The following NRXN1 variants were observed in gnomAD, a reference collection of about 807,000 sequenced individuals.
NRXN1 encodes the protein neurexin-1.
NRXN1 carries 39 observed loss-of-function variants against 150.9 expected under a neutral mutation model. That is an observed-to-expected ratio of 0.26 (90% confidence interval 0.20 to 0.34). The LOEUF is 0.34. NRXN1 is among the 10% of genes least tolerant of loss of function. NRXN1 has a pLI of 1.00. For missense variants in NRXN1, 1,815 were observed against 1,949.9 expected, an observed-to-expected ratio of 0.93 and a Z score of 1.30; for synonymous variants, 924 against 757.0, an observed-to-expected ratio of 1.22 and a Z score of -3.62.
At chr2:50,013,621 T>A (rs1351961830) in intron 21 of NRXN1, among the ~76,000 whole-genome samples, 1 of 152,150 alleles carries the variant, frequency 6.6e-6, no homozygotes. Context: ...TTACAACATC[T>A]ATTACATATA....
intron 8 of NRXN1, among the ~76,000 whole-genome samples, chr2:50,566,703 T>G (rs895401688): frequency 2.0e-5 from 3 of 152,180 alleles, no homozygotes; most frequent in African/African-American, 7.2e-5. Flanking sequence ...TCAGAGAATT[T>G]AAGTATTTTG....
At chr2:50,118,446 G>C (rs1218799379) in intron 18 of NRXN1, among the ~76,000 whole-genome samples, 1 of 142,432 alleles carries the variant, frequency 7.0e-6, no homozygotes, top group Non-Finnish European at 1.5e-5. Flanking sequence ...GGTTTCATAA[G>C]TGTTTTCTTT....
intron 21 of NRXN1, among the ~76,000 whole-genome samples, chr2:49,953,474 A>G (rs77760460): frequency 1.8e-3 from 277 of 152,132 alleles, no homozygotes; most frequent in African/African-American, 6.4e-3. Flanking sequence ...TCTGGTGCAC[A>G]TTGGTTCTTT....
chr2:50,270,253 AC>A (rs2069413485), intron 17 of NRXN1, among the ~76,000 whole-genome samples: 1 of 152,164 alleles, frequency 6.6e-6, no homozygotes, highest in South Asian at 2.1e-4. Flanking sequence ...CTAAAATTCA[AC>A]CTACCATCAT....
chr2:50,463,169 T>C (rs2088425876), intron 17 of NRXN1, among the ~76,000 whole-genome samples: 1 of 151,830 alleles, frequency 6.6e-6, no homozygotes, highest in Non-Finnish European at 1.5e-5. Context: ...TTTGTGCATC[T>C]TAGAGAAAAA....
intron 8 of NRXN1, chr2:50,588,957 CTCAGACTATGCCCATA>C (rs1673641131): frequency 6.6e-6 from 1 of 152,158 alleles, no homozygotes; most frequent in Non-Finnish European, 1.5e-5. Flanking sequence ...GATTTCATAG[CTCAGACTATGCCCATA>C]TACCCGAATG....
chr2:50,651,695 C>T (rs1199644052), intron 5 of NRXN1, among the ~76,000 whole-genome samples: 2 of 151,974 alleles, frequency 1.3e-5, no homozygotes, highest in Non-Finnish European at 2.9e-5. Flanking sequence ...TGCCGACACA[C>T]ATGCTCTCTT....
chr2:49,984,191 A>G (rs1448210811), intron 21 of NRXN1, among the ~76,000 whole-genome samples: 1 of 152,130 alleles, frequency 6.6e-6, no homozygotes, highest in Admixed American at 6.6e-5. Flanking sequence ...AAAAAATCAG[A>G]AAAAGCAAAT....
chr2:50,140,047 A>C (rs2152758622), intron 18 of NRXN1, among the ~76,000 whole-genome samples: 1 of 152,272 alleles, frequency 6.6e-6, no homozygotes, highest in South Asian at 2.1e-4. Context: ...TTTTAAATGA[A>C]TTATAAGGAT....
intron 21 of NRXN1, among the ~76,000 whole-genome samples, chr2:49,983,289 G>A (rs897884093): frequency 1.3e-5 from 2 of 152,152 alleles, no homozygotes; most frequent in African/African-American, 2.4e-5. Flanking sequence ...TAGCACAGGG[G>A]CTGGTTATAT....
rs878922471 is a variant in NRXN1, at chr2:50,621,325, G to A, written c.1135-76C>T. 3 of 1,121,918 alleles carry A rather than the reference G, an allele frequency of 2.7e-6. No individual in the cohort carries two copies. In the South Asian group the frequency reaches 4.1e-5, roughly 15 times the overall value. The allele number at this position is 1,121,918 out of a possible 1,614,324, so 69.5% of individuals were successfully genotyped here. On this transcript the variant is annotated intron_variant, in intron 6 of 22. Coordinates refer to ENST00000401669, the MANE Select transcript of NRXN1 (RefSeq NM_001330078.2). ...CGATCGTTACTTAAAAAATATGATG[G>A]TCTCTACCATGTTAGTACATTTTTT...
intron 18 of NRXN1, among the ~76,000 whole-genome samples, chr2:50,172,795 C>T (rs202168860): frequency 3.3e-5 from 5 of 151,956 alleles, no homozygotes; most frequent in African/African-American, 1.2e-4. Context: ...AGTGAAACCC[C>T]GTCTCTACTA....
intron 18 of NRXN1, among the ~76,000 whole-genome samples, chr2:50,118,084 G>C (rs1370902028): frequency 1.3e-5 from 2 of 152,140 alleles, no homozygotes; most frequent in East Asian, 1.9e-4. Flanking sequence ...GAAGGTAAAG[G>C]TGTTTAGGAG....
In NRXN1 at chr2:50,579,263, T is replaced by C. The variant is rs148951667; in HGVS notation, c.1321-26238A>G. Among the ~76,000 whole-genome samples, 819 of 152,308 alleles carry C rather than the reference T, an allele frequency of 5.4e-3. 6 individuals are homozygous for C. The highest frequency in any genetic ancestry group is 0.018 in the African/African-American group (767 of 41,566). ...TTCTGATACTAAGTCTAGGATGGGATTGATTACATTTTGTACTTTTATTCT... is the reference window on the plus strand; with the variant it reads ...TTCTGATACTAAGTCTAGGATGGGACTGATTACATTTTGTACTTTTATTCT... On this transcript the variant is annotated intron_variant, in intron 8 of 22. Coordinates refer to ENST00000401669, the MANE Select transcript of NRXN1 (RefSeq NM_001330078.2).
chr2:50,481,022 G>T (rs1249484161), intron 15 of NRXN1, among the ~76,000 whole-genome samples: 2 of 152,326 alleles, frequency 1.3e-5, no homozygotes, highest in South Asian at 4.1e-4. Flanking sequence ...GTTTTTGCCT[G>T]TTGAGCTACA....
At chr2:49,978,182 A>G (rs1273420408) in intron 21 of NRXN1, among the ~76,000 whole-genome samples, 1 of 152,154 alleles carries the variant, frequency 6.6e-6, no homozygotes, top group Non-Finnish European at 1.5e-5. Flanking sequence ...AAAATGTAGT[A>G]ATTACAGGGA....
intron 8 of NRXN1, among the ~76,000 whole-genome samples, chr2:50,555,829 A>T (rs1668158143): frequency 6.6e-6 from 1 of 152,226 alleles, no homozygotes; most frequent in Non-Finnish European, 1.5e-5. Flanking sequence ...TATCCAGTTC[A>T]TAATTGACAA....
At position 50,829,193 on chromosome 2, in the gene NRXN1, C is replaced by T. The variant is rs531553734; in HGVS notation, c.832+92676G>A. Among the ~76,000 whole-genome samples the T allele has an allele frequency of 3.2e-3, 491 of 151,868 alleles. 3 individuals are homozygous for T. Among genetic ancestry groups the T allele is most frequent in the Admixed American group, 5.4e-3 (82 of 15,270 alleles). On this transcript the variant is annotated intron_variant, in intron 5 of 22. Transcript: ENST00000401669. ...AGATGGCAGCAGTACAGTCCAGCTT[C>T]GGCTTGGCATCAGAGGGAGACCGTG...
Position 50,347,559 on chromosome 2 carries a change from G to C in NRXN1, c.3365-110589C>G, listed in dbSNP as rs1455345389. On this transcript the variant is annotated intron_variant, in intron 17 of 22. Transcript: ENST00000401669. The surrounding 1 kb of genome is among the most constrained non-coding windows in gnomAD (Gnocchi z 4.9). ...CCTCCCCCGGGCAGCGCGCGGAGCA[G>C]CGGCGCGCATCGCCTGCTCCCGAGG... The C allele has an allele frequency of 7.8e-6, 8 of 1,027,746 alleles. No homozygotes were observed. Among genetic ancestry groups the C allele is most frequent in the Non-Finnish European group, 9.4e-6 (8 of 855,442 alleles). The allele number at this position is 1,027,746 out of a possible 1,614,324, so 63.7% of individuals were successfully genotyped here.
Sources: gnomAD v4.1 joint callset for allele counts (sites outside exome capture counted in the v4.1 genomes callset) on GRCh38, gnomAD v4.1.1 for gene constraint, Gnocchi (gnomAD v3.1) non-coding constraint, MANE v1.5 for transcripts, NCBI Gene and HGNC (gene_info 2026-07-23, HGNC 2026-07-21) for gene names.